The following DSCAM variants were observed in gnomAD, a reference collection of about 807,000 sequenced individuals.
The protein encoded by DSCAM is DS cell adhesion molecule, also known as cell adhesion molecule DSCAM.
DSCAM carries 47 observed loss-of-function variants against 217.7 expected under a neutral mutation model. The ratio of observed to expected loss-of-function variants is 0.22; its 90% CI spans 0.17 to 0.28. The LOEUF is 0.28. DSCAM is among the 10% of genes least tolerant of loss of function. The pLI, the probability that DSCAM is intolerant of heterozygous loss-of-function variation, is 1.00. For missense variants in DSCAM, 2,080 were observed against 2,618.3 expected, an observed-to-expected ratio of 0.79 and a Z score of 4.49; for synonymous variants, 1,056 against 1,015.3, an observed-to-expected ratio of 1.04 and a Z score of -0.76.
intron 4 of DSCAM, among the ~76,000 whole-genome samples, chr21:40,360,081 A>AT (rs1379780418): frequency 1.4e-5 from 2 of 144,722 alleles, no homozygotes; most frequent in Non-Finnish European, 3.0e-5. Flanking sequence ...TGGAGTAGAG[A>AT]TCCTGTTCCT....
At chr21:40,467,930 CAAAAAAAAAAA>C (rs56379350) in intron 3 of DSCAM, among the ~76,000 whole-genome samples, 1 of 84,426 alleles carries the variant, frequency 1.2e-5, no homozygotes, top group Non-Finnish European at 2.3e-5. Context: ...AAAGATTAAC[CAAAAAAAAAAA>C]AAAAAAAAAA....
At chr21:40,441,216 C>G (rs1055563796) in intron 3 of DSCAM, among the ~76,000 whole-genome samples, 18 of 152,150 alleles carry the variant, frequency 1.2e-4, no homozygotes, top group Admixed American at 1.3e-4. Context: ...TTCTTGAGAG[C>G]CGACCAAGGA....
intron 3 of DSCAM, among the ~76,000 whole-genome samples, chr21:40,615,875 C>T (rs764127130): frequency 2.6e-5 from 4 of 152,016 alleles, no homozygotes; most frequent in African/African-American, 4.8e-5. Context: ...TTAAAGGCCA[C>T]GGGCAGATAA....
At chr21:40,257,759 C>T (rs748089713) in intron 11 of DSCAM, among the ~76,000 whole-genome samples, 11 of 152,096 alleles carry the variant, frequency 7.2e-5, no homozygotes, top group Admixed American at 1.3e-4. Flanking sequence ...TTTTAATGCT[C>T]ATGCACTTAC....
intron 8 of DSCAM, among the ~76,000 whole-genome samples, chr21:40,318,877 T>C (rs539783122): frequency 9.9e-5 from 15 of 152,076 alleles, no homozygotes; most frequent in Non-Finnish European, 1.9e-4. Flanking sequence ...TTAACTGACA[T>C]TGACCTAGGC....
At chr21:40,325,465 A>C (rs562940715) in intron 8 of DSCAM, among the ~76,000 whole-genome samples, 66 of 152,324 alleles carry the variant, frequency 4.3e-4, no homozygotes, top group African/African-American at 1.5e-3. Flanking sequence ...TGAGCTCATA[A>C]ATTTCTTAAA....
intron 8 of DSCAM, among the ~76,000 whole-genome samples, chr21:40,319,233 G>A (rs1167288478): frequency 6.6e-6 from 1 of 152,016 alleles, no homozygotes. Context: ...CCTCCTTTAG[G>A]GGAGGAGTTA....
chr21:40,129,659 T>C (rs1195618916), intron 19 of DSCAM, among the ~76,000 whole-genome samples: 2 of 152,214 alleles, frequency 1.3e-5, no homozygotes, highest in African/African-American at 4.8e-5. Context: ...CCACTGCACA[T>C]GGCACACTAC....
intron 3 of DSCAM, among the ~76,000 whole-genome samples, chr21:40,470,560 T>C (rs1276001380): frequency 6.6e-6 from 1 of 152,196 alleles, no homozygotes; most frequent in Non-Finnish European, 1.5e-5. Flanking sequence ...GTTTTGTTTA[T>C]TAGGTTTTTG....
intron 32 of DSCAM, among the ~76,000 whole-genome samples, chr21:40,022,619 G>A (rs781451758): frequency 2.8e-4 from 43 of 152,210 alleles, no homozygotes; most frequent in Non-Finnish European, 5.0e-4. Context: ...GGCACCCGCT[G>A]AGGCAGGAGC....
chr21:40,118,041 T>A (rs947907040), intron 20 of DSCAM, among the ~76,000 whole-genome samples: 3 of 152,070 alleles, frequency 2.0e-5, no homozygotes, highest in African/African-American at 7.2e-5. Context: ...GGAAGAAGGT[T>A]TTTAGAATAT....
intron 11 of DSCAM, among the ~76,000 whole-genome samples, chr21:40,196,456 G>A (rs1384142636): frequency 6.6e-6 from 1 of 152,074 alleles, no homozygotes; most frequent in African/African-American, 2.4e-5. Flanking sequence ...TGGGGGTGGG[G>A]GTTATGCATG....
Position 40,480,229 on chromosome 21 carries a change from A to G in DSCAM, c.509-110984T>C, listed in dbSNP as rs561643094. ...TGACTTAGGCTCCTTTTAGAAATCT[A>G]TAGGCTCCTGTTAGAAAAGGAAATA... On this transcript the variant is annotated intron_variant, in intron 3 of 32. Coordinates refer to ENST00000400454, the MANE Select transcript of DSCAM (RefSeq NM_001389.5). Among the ~76,000 whole-genome samples the G allele has an allele frequency of 5.3e-5, 8 of 152,316 alleles. No homozygotes were observed. In the South Asian group the frequency reaches 8.3e-4, roughly 16 times the overall value.
chr21:40,142,028 G>A (rs1484254140), intron 18 of DSCAM, among the ~76,000 whole-genome samples: 1 of 141,014 alleles, frequency 7.1e-6, no homozygotes, highest in Non-Finnish European at 1.5e-5. Context: ...GAGAGAGGAG[G>A]AGAAGGGGAA....
In DSCAM at chr21:40,695,003, C is replaced by G. The variant is rs536977780; in HGVS notation, c.362-2047G>C. Among the ~76,000 whole-genome samples, 46 of 152,266 alleles carry G rather than the reference C, an allele frequency of 3.0e-4. 1 individual carries two copies. The highest frequency in any genetic ancestry group is 1.1e-3 in the African/African-American group (45 of 41,558). On this transcript the variant is annotated intron_variant, in intron 2 of 32. Transcript: ENST00000400454. ...GGTCAACAGAGAGAGTCTACCGTCA[C>G]AGGAATAGTGCCCCTAAGCAGGGGA...
chr21:40,530,667 C>G (rs535069237), intron 3 of DSCAM, among the ~76,000 whole-genome samples: 1 of 152,276 alleles, frequency 6.6e-6, no homozygotes, highest in African/African-American at 2.4e-5. Context: ...TCCCAGGACA[C>G]TTCAGAATCC....
intron 3 of DSCAM, among the ~76,000 whole-genome samples, chr21:40,634,372 G>A (rs866927739): frequency 2.6e-5 from 4 of 152,196 alleles, no homozygotes; most frequent in African/African-American, 9.6e-5. Flanking sequence ...TGACGGAACC[G>A]TGTTTCCCCA....
At chr21:40,573,757 T>C (rs1427983552) in intron 3 of DSCAM, among the ~76,000 whole-genome samples, 1 of 152,064 alleles carries the variant, frequency 6.6e-6, no homozygotes, top group Non-Finnish European at 1.5e-5. Context: ...AGAAAAATTG[T>C]CAAGAAAAAA....
At chr21:40,262,431 C>G (rs2073465693) in intron 11 of DSCAM, among the ~76,000 whole-genome samples, 1 of 152,102 alleles carries the variant, frequency 6.6e-6, no homozygotes, top group Non-Finnish European at 1.5e-5. Context: ...GCCTCCAGAA[C>G]TGTAAGAAAT....
Sources: gnomAD v4.1 joint callset for allele counts (sites outside exome capture counted in the v4.1 genomes callset) on GRCh38, gnomAD v4.1.1 for gene constraint, MANE v1.5 for transcripts, NCBI Gene and HGNC (gene_info 2026-07-23, HGNC 2026-07-21) for gene names.